The following DACH1 variants were observed in gnomAD, a reference collection of about 807,000 sequenced individuals.
DACH1 encodes the protein dachshund family transcription factor 1.
DACH1 carries 12 observed loss-of-function variants against 54.2 expected under a neutral mutation model. That is an observed-to-expected ratio of 0.22 (90% CI 0.14 to 0.36). The LOEUF (loss-of-function observed/expected upper bound fraction) is 0.36, where lower values mean the gene tolerates loss of function less well. Among genes scored for constraint, DACH1 ranks in the 10% least tolerant of loss-of-function variants. The pLI is 1.00. For synonymous variants in DACH1, 386 were observed against 366.2 expected (o/e 1.05, Z -0.62); for missense variants, 805 against 929.8 (o/e 0.87, Z 1.75).
At chr13:71,465,730 C>A (rs1010336638) in intron 10 of DACH1, among the ~76,000 whole-genome samples, 1 of 151,890 alleles carries the variant, frequency 6.6e-6, no homozygotes, top group African/African-American at 2.4e-5. Flanking sequence ...GAAGATAATA[C>A]TATACTGTAT....
At chr13:71,502,665 T>A (rs907188485) in intron 6 of DACH1, among the ~76,000 whole-genome samples, 1 of 152,222 alleles carries the variant, frequency 6.6e-6, no homozygotes, top group Non-Finnish European at 1.5e-5. Context: ...CCTTGGATAA[T>A]GCAACAAATT....
chr13:71,712,552 T>C (rs923671474), intron 1 of DACH1, among the ~76,000 whole-genome samples: 1 of 152,134 alleles, frequency 6.6e-6, no homozygotes, highest in Non-Finnish European at 1.5e-5. Flanking sequence ...CAAGTTTAGG[T>C]TGTAGTCTAA....
intron 1 of DACH1, among the ~76,000 whole-genome samples, chr13:71,776,349 A>C (rs1229992173): frequency 1.3e-5 from 2 of 152,148 alleles, no homozygotes; most frequent in Non-Finnish European, 2.9e-5. Flanking sequence ...AGATTATAGA[A>C]GTGAGAGTTA....
intron 2 of DACH1, among the ~76,000 whole-genome samples, chr13:71,659,132 A>C (rs1419001393): frequency 2.0e-5 from 3 of 152,174 alleles, no homozygotes; most frequent in Non-Finnish European, 4.4e-5. Flanking sequence ...GAACTTAACT[A>C]TGAGACAGAA....
intron 1 of DACH1, among the ~76,000 whole-genome samples, chr13:71,839,955 T>G (rs79726001): frequency 0.069 from 10,569 of 152,182 alleles, 1,115 homozygotes; most frequent in East Asian, 0.57. Context: ...TTATTTATTT[T>G]TATTTTTTTG....
intron 1 of DACH1, among the ~76,000 whole-genome samples, chr13:71,771,884 G>A (rs74466895): frequency 9.6e-4 from 144 of 150,164 alleles, no homozygotes; most frequent in African/African-American, 3.4e-3. Flanking sequence ...GGTTGAAGAT[G>A]AGTAAAGGAT....
chr13:71,781,346 T>TCTTA (rs370299371), intron 1 of DACH1, among the ~76,000 whole-genome samples: 1 of 137,160 alleles, frequency 7.3e-6, no homozygotes, highest in East Asian at 2.2e-4. Flanking sequence ...TCTTTTTTAT[T>TCTTA]TTTATTTATT....
intron 2 of DACH1, among the ~76,000 whole-genome samples, chr13:71,667,817 T>C (rs1879939642): frequency 6.6e-6 from 1 of 152,134 alleles, no homozygotes; most frequent in Non-Finnish European, 1.5e-5. Flanking sequence ...AACTTCAAAA[T>C]ATCATTATAT....
At chr13:71,858,217 T>G (rs1874127354) in intron 1 of DACH1, among the ~76,000 whole-genome samples, 1 of 151,708 alleles carries the variant, frequency 6.6e-6, no homozygotes, top group African/African-American at 2.4e-5. Context: ...ATATTTTGTT[T>G]GCCCTTGAAG....
chr13:71,843,502 C>T (rs1207660176), intron 1 of DACH1, among the ~76,000 whole-genome samples: 1 of 152,132 alleles, frequency 6.6e-6, no homozygotes, highest in East Asian at 1.9e-4. Flanking sequence ...AGGGCTCAAA[C>T]AGTCTGCCCA....
intron 2 of DACH1, among the ~76,000 whole-genome samples, chr13:71,657,780 T>A (rs1428132965): frequency 6.6e-6 from 1 of 152,008 alleles, no homozygotes. Context: ...TATTTTTTTA[T>A]TTTTTATTTT....
At chr13:71,465,457 G>C (rs1213031397) in intron 10 of DACH1, among the ~76,000 whole-genome samples, 1 of 152,140 alleles carries the variant, frequency 6.6e-6, no homozygotes, top group South Asian at 2.1e-4. Context: ...AGATGGCTAG[G>C]ATATCCTTAC....
chr13:71,761,457 T>C (rs767566291), intron 1 of DACH1, among the ~76,000 whole-genome samples: 14 of 152,232 alleles, frequency 9.2e-5, no homozygotes, highest in Non-Finnish European at 1.5e-4. Context: ...TACAATACTA[T>C]ATTCTCCTGT....
chr13:71,532,271 T>A (rs1016133967), intron 6 of DACH1, among the ~76,000 whole-genome samples: 1 of 151,850 alleles, frequency 6.6e-6, no homozygotes, highest in African/African-American at 2.4e-5. Context: ...TTCAAGAGAG[T>A]TTAAGAAAAA....
intron 4 of DACH1, among the ~76,000 whole-genome samples, chr13:71,571,156 AG>A (rs1436329444): frequency 2.0e-5 from 3 of 152,200 alleles, no homozygotes; most frequent in African/African-American, 4.8e-5. Context: ...CAGTTTTAAA[AG>A]TAAAAATTAC....
intron 1 of DACH1, among the ~76,000 whole-genome samples, chr13:71,697,658 T>C (rs559562395): frequency 6.6e-6 from 1 of 152,296 alleles, no homozygotes; most frequent in Admixed American, 6.5e-5. Flanking sequence ...TACAATGAAG[T>C]GTCAATTTTT....
chr13:71,551,307 C>G (rs1225264068), intron 6 of DACH1, among the ~76,000 whole-genome samples: 2 of 152,026 alleles, frequency 1.3e-5, no homozygotes, highest in African/African-American at 4.8e-5. Flanking sequence ...TTTCTTTATG[C>G]TAGAAATATT....
intron 1 of DACH1, among the ~76,000 whole-genome samples, chr13:71,689,900 C>G (rs1558723): frequency 0.078 from 11,802 of 152,148 alleles, 1,117 homozygotes; most frequent in East Asian, 0.25. Context: ...TTAGAATATA[C>G]ATAAGGTCTA....
chr13:71,470,851 A>G (rs981253839), intron 10 of DACH1, among the ~76,000 whole-genome samples: 1 of 152,208 alleles, frequency 6.6e-6, no homozygotes, highest in East Asian at 1.9e-4. Context: ...TGCATGGTTT[A>G]TGCTCTGCCC....
Sources: allele counts gnomAD v4.1 joint callset (sites outside exome capture counted in the v4.1 genomes callset), GRCh38; gene constraint gnomAD v4.1.1; transcripts MANE v1.5; gene names NCBI Gene and HGNC (gene_info 2026-07-23, HGNC 2026-07-21).